ATP8A2: variants seen among roughly 807,000 people sequenced by gnomAD.
ATP8A2 encodes ATPase phospholipid transporting 8A2.
ATP8A2 carries 100 observed loss-of-function variants against 165.6 expected under a neutral mutation model. That is an observed-to-expected ratio of 0.60 (90% CI 0.51 to 0.71). The LOEUF (loss-of-function observed/expected upper bound fraction) is 0.71. Among genes scored for constraint, ATP8A2 ranks in the 30% least tolerant of loss-of-function variants. ATP8A2 has a pLI of 0.00. For missense variants in ATP8A2, 1,227 were observed against 1,479.5 expected (o/e 0.83, Z 2.80); for synonymous variants, 543 against 548.8 (o/e 0.99, Z 0.15).
chr13:25,915,754 A>G (rs544750574), intron 33 of ATP8A2, among the ~76,000 whole-genome samples: 23 of 152,166 alleles, frequency 1.5e-4, no homozygotes, highest in Non-Finnish European at 3.1e-4. Context: ...TGTCTCCCTC[A>G]TGTGTTTTCT....
At chr13:25,742,192 C>G (rs757843429) in intron 25 of ATP8A2, among the ~76,000 whole-genome samples, 5 of 152,032 alleles carry the variant, frequency 3.3e-5, no homozygotes, top group Non-Finnish European at 5.9e-5. Flanking sequence ...GTGATTGCAA[C>G]ACAGTGGTAA....
Position 25,376,294 on chromosome 13 carries a change from T to C in ATP8A2, c.76+4006T>C, listed in dbSNP as rs1043635697. ...TCTCTTCCTTGATAAGAAATAAAGATAATAATCTAATTTCTCCTGCTTCCA... is the reference window on the plus strand; with the variant it reads ...TCTCTTCCTTGATAAGAAATAAAGACAATAATCTAATTTCTCCTGCTTCCA... On this transcript the variant is annotated intron_variant, in intron 1 of 36. Coordinates refer to ENST00000381655, the MANE Select transcript of ATP8A2 (RefSeq NM_016529.6). Among the ~76,000 whole-genome samples, 39 of 152,360 alleles carry C rather than the reference T, an allele frequency of 2.6e-4. No homozygotes were observed. The East Asian group carries it at 6.7e-3, about 26-fold the overall frequency.
At chr13:25,577,167 C>T (rs753306171) in intron 20 of ATP8A2, 29 bp downstream of exon 20, 21 of 1,595,718 alleles carry the variant, frequency 1.3e-5, no homozygotes, top group East Asian at 4.5e-5. Context: ...TTGTGCGTAG[C>T]GGAGTTCTTG....
chr13:25,763,788 T>C (rs1267610087), intron 25 of ATP8A2, among the ~76,000 whole-genome samples: 1 of 152,234 alleles, frequency 6.6e-6, no homozygotes, highest in Non-Finnish European at 1.5e-5. Flanking sequence ...CCAGAAGGCC[T>C]GGACACCTGG....
chr13:25,785,968 C>G (rs1458571147), intron 27 of ATP8A2, among the ~76,000 whole-genome samples: 5 of 152,222 alleles, frequency 3.3e-5, no homozygotes, highest in African/African-American at 1.2e-4. Context: ...CCCTTCTGCT[C>G]CTTTTCTCTA....
chr13:25,873,549 C>A (rs1242882120), intron 33 of ATP8A2, among the ~76,000 whole-genome samples: 1 of 152,076 alleles, frequency 6.6e-6, no homozygotes, highest in Non-Finnish European at 1.5e-5. Flanking sequence ...ATTGTGGGAA[C>A]CTCTCACCTT....
intron 33 of ATP8A2, among the ~76,000 whole-genome samples, chr13:25,937,337 T>G (rs961152753): frequency 3.4e-5 from 5 of 148,462 alleles, no homozygotes; most frequent in Non-Finnish European, 1.5e-5. Flanking sequence ...TTATTTTTTT[T>G]GCTTTGTCTT....
chr13:25,687,845 C>G (rs2042635492), intron 24 of ATP8A2, among the ~76,000 whole-genome samples: 1 of 152,240 alleles, frequency 6.6e-6, no homozygotes, highest in East Asian at 1.9e-4. Context: ...GCCTCCTTAA[C>G]TGGCTGGGTC....
intron 24 of ATP8A2, among the ~76,000 whole-genome samples, chr13:25,688,599 C>T (rs999303846): frequency 2.0e-5 from 3 of 152,210 alleles, no homozygotes; most frequent in Admixed American, 2.0e-4. Context: ...AATGTGGTAA[C>T]GGTGTCCTAT....
At chr13:25,609,566 C>CAAATATATATATATATATTTGGATTT (rs2040620255) in intron 24 of ATP8A2, among the ~76,000 whole-genome samples, 1 of 144,332 alleles carries the variant, frequency 6.9e-6, no homozygotes, top group Non-Finnish European at 1.5e-5. Flanking sequence ...TATTTGGATT[C>CAAATATATATATATATATTTGGATTT]AAATATATAT....
At chr13:25,712,435 A>G (rs535714872) in intron 25 of ATP8A2, among the ~76,000 whole-genome samples, 1 of 152,240 alleles carries the variant, frequency 6.6e-6, no homozygotes, top group East Asian at 1.9e-4. Context: ...GGACTACGAG[A>G]AATGTTGAGG....
At chr13:25,476,146 C>T (rs754006342) in intron 2 of ATP8A2, among the ~76,000 whole-genome samples, 5 of 152,106 alleles carry the variant, frequency 3.3e-5, no homozygotes, top group Non-Finnish European at 7.3e-5. Context: ...GTACTAGATC[C>T]AATGTCATTG....
At chr13:25,772,090 C>A (rs931007706) in intron 26 of ATP8A2, among the ~76,000 whole-genome samples, 1 of 152,132 alleles carries the variant, frequency 6.6e-6, no homozygotes, top group African/African-American at 2.4e-5. Flanking sequence ...TGCTTTTATG[C>A]ACATGGGCAG....
At chr13:25,503,578 G>C (rs2036926142) in intron 2 of ATP8A2, among the ~76,000 whole-genome samples, 1 of 152,108 alleles carries the variant, frequency 6.6e-6, no homozygotes, top group Admixed American at 6.5e-5. Context: ...CATGTGCTCA[G>C]TAGAAAGAAA....
At chr13:25,579,729 G>A (rs2039717306) in intron 21 of ATP8A2, 79 bp from the exon 22 acceptor site, 1 of 1,547,634 alleles carries the variant, frequency 6.5e-7, no homozygotes, top group Admixed American at 1.8e-5. Flanking sequence ...TGGGCATGCT[G>A]ATGGAAAAGG....
chr13:25,584,324 A>T (rs1281730809), intron 23 of ATP8A2, among the ~76,000 whole-genome samples: 1 of 152,190 alleles, frequency 6.6e-6, no homozygotes, highest in Non-Finnish European at 1.5e-5. Flanking sequence ...CTAGATACAG[A>T]GTGGGTTTCT....
At chr13:25,531,829 C>A (rs2038124384) in intron 4 of ATP8A2, among the ~76,000 whole-genome samples, 1 of 152,156 alleles carries the variant, frequency 6.6e-6, no homozygotes, top group South Asian at 2.1e-4. Context: ...ATCCCAGAGA[C>A]ACCTCATTGG....
chr13:25,938,819 T>C (rs370479796), intron 33 of ATP8A2, among the ~76,000 whole-genome samples: 1 of 152,076 alleles, frequency 6.6e-6, no homozygotes, highest in African/African-American at 2.4e-5. Flanking sequence ...AGACAATGCA[T>C]TGGATTTCCA....
chr13:25,746,989 T>G (rs1033059073), intron 25 of ATP8A2, among the ~76,000 whole-genome samples: 1 of 152,204 alleles, frequency 6.6e-6, no homozygotes, highest in Non-Finnish European at 1.5e-5. Context: ...ACAGAGCCTA[T>G]GGTCGTTCTG....
Sources: allele counts gnomAD v4.1 joint callset (sites outside exome capture counted in the v4.1 genomes callset), GRCh38; gene constraint gnomAD v4.1.1; transcripts MANE v1.5; gene names NCBI Gene and HGNC (gene_info 2026-07-23, HGNC 2026-07-21).